The following ALK variants were observed in gnomAD, a reference collection of about 807,000 sequenced individuals.
ALK encodes ALK tyrosine kinase receptor.
A neutral mutation model predicts 163.1 loss-of-function variants in ALK; 74 were observed. That is an observed-to-expected ratio of 0.45 (90% CI 0.38 to 0.55). The LOEUF (loss-of-function observed/expected upper bound fraction) is 0.55, where lower values mean the gene tolerates loss of function less well. Ranked by LOEUF, ALK falls within the 20% of genes least tolerant of loss-of-function variation. The pLI, the probability that ALK is intolerant of heterozygous loss-of-function variation, is 0.00. For synonymous variants in ALK, 960 were observed against 843.2 expected, an observed-to-expected ratio of 1.14 and a Z score of -2.40; for missense variants, 2,063 against 2,105.3, an observed-to-expected ratio of 0.98 and a Z score of 0.39.
intron 5 of ALK, among the ~76,000 whole-genome samples, chr2:29,357,513 A>C (rs1347773913): frequency 6.6e-6 from 1 of 152,242 alleles, no homozygotes; most frequent in African/African-American, 2.4e-5. Flanking sequence ...AAATCTCAGC[A>C]GTCATGGCAA....
intron 5 of ALK, among the ~76,000 whole-genome samples, chr2:29,343,487 T>C (rs1349948009): frequency 1.3e-5 from 2 of 152,116 alleles, no homozygotes; most frequent in African/African-American, 2.4e-5. Context: ...AGTGTTGAGA[T>C]GATAGGCATG....
chr2:29,776,382 A>G (rs1681177838), intron 1 of ALK, among the ~76,000 whole-genome samples: 1 of 21,870 alleles, frequency 4.6e-5, no homozygotes, highest in Non-Finnish European at 4.1e-4. Context: ...ATTCCTTCCA[A>G]TCCTAACCTT....
chr2:29,806,257 C>A (rs1374963476), intron 1 of ALK, among the ~76,000 whole-genome samples: 3 of 152,060 alleles, frequency 2.0e-5, no homozygotes, highest in Non-Finnish European at 4.4e-5. Flanking sequence ...TGCATTGGGT[C>A]TGTAATTGCT....
intron 1 of ALK, among the ~76,000 whole-genome samples, chr2:29,831,002 A>G (rs781169312): frequency 0.052 from 2,399 of 46,482 alleles, 110 homozygotes; most frequent in Non-Finnish European, 0.066. Context: ...AAGAAGAAGA[A>G]GAAGAAGAAG....
intron 4 of ALK, among the ~76,000 whole-genome samples, chr2:29,402,164 G>A (rs1288546317): frequency 2.0e-5 from 3 of 152,230 alleles, no homozygotes; most frequent in African/African-American, 7.2e-5. Flanking sequence ...CCCAAACTCT[G>A]CTGAAAGCCA....
At position 29,556,266 on chromosome 2, in the gene ALK, T is replaced by A. The variant is rs187317043; in HGVS notation, c.953-24150A>T. On this transcript the variant is annotated intron_variant, in intron 3 of 28. Coordinates refer to ENST00000389048, the MANE Select transcript of ALK (RefSeq NM_004304.5). The stretch of plus-strand genomic sequence containing the variant: ...ACTGTAGGACAAGGCATGTAGCGTT[T>A]CTAAAGTGTCTATGAAATAGGGACA... Among the ~76,000 whole-genome samples, 333 of 152,304 alleles carry A rather than the reference T, an allele frequency of 2.2e-3. 2 individuals are homozygous for A. Among genetic ancestry groups the A allele is most frequent in the Non-Finnish European group, 2.8e-3 (193 of 68,016 alleles).
intron 9 of ALK, among the ~76,000 whole-genome samples, chr2:29,288,288 G>C (rs1223639171): frequency 6.6e-6 from 1 of 152,288 alleles, no homozygotes; most frequent in East Asian, 1.9e-4. Flanking sequence ...CATTGACCGG[G>C]TTTCTGTCAT....
At chr2:29,623,539 G>A (rs1331033584) in intron 3 of ALK, among the ~76,000 whole-genome samples, 2 of 152,124 alleles carry the variant, frequency 1.3e-5, no homozygotes, top group Non-Finnish European at 2.9e-5. Context: ...CTATGTGGTA[G>A]GTACTATTCA....
At chr2:29,913,832 A>G (rs1448868535) in intron 1 of ALK, among the ~76,000 whole-genome samples, 11 of 152,140 alleles carry the variant, frequency 7.2e-5, no homozygotes, top group Admixed American at 5.9e-4. Flanking sequence ...GGTAATTTAC[A>G]TTTCTCTCCA....
chr2:29,289,950 G>A (rs1394831844), intron 9 of ALK, among the ~76,000 whole-genome samples: 1 of 152,196 alleles, frequency 6.6e-6, no homozygotes, highest in Non-Finnish European at 1.5e-5. Flanking sequence ...TGATGCCGTG[G>A]TCTTGTCTTC....
intron 1 of ALK, among the ~76,000 whole-genome samples, chr2:29,886,649 G>A (rs148422273): frequency 3.3e-5 from 5 of 152,292 alleles, no homozygotes; most frequent in African/African-American, 9.6e-5. Context: ...ATCAAAACCC[G>A]GGTGAAAGAG....
At chr2:29,725,439 G>C (rs1383016955) in intron 1 of ALK, among the ~76,000 whole-genome samples, 1 of 152,152 alleles carries the variant, frequency 6.6e-6, no homozygotes, top group Non-Finnish European at 1.5e-5. Context: ...TCTTCCCTGA[G>C]CTGGACACCA....
At chr2:29,814,172 A>C (rs1664831786) in intron 1 of ALK, among the ~76,000 whole-genome samples, 3 of 152,178 alleles carry the variant, frequency 2.0e-5, no homozygotes, top group Admixed American at 1.3e-4. Flanking sequence ...GGAGGCAGGC[A>C]TACTATTCTG....
chr2:29,697,266 G>C (rs1240264660), intron 2 of ALK, among the ~76,000 whole-genome samples: 1 of 152,156 alleles, frequency 6.6e-6, no homozygotes. Context: ...CTCCAGAGAA[G>C]AGGGCCAAGG....
intron 4 of ALK, among the ~76,000 whole-genome samples, chr2:29,461,902 A>G (rs1334150940): frequency 6.6e-6 from 1 of 152,138 alleles, no homozygotes; most frequent in African/African-American, 2.4e-5. Flanking sequence ...AAAAAGGACC[A>G]TTCTAGGTGT....
At chr2:29,363,793 C>T (rs1052252020) in intron 5 of ALK, among the ~76,000 whole-genome samples, 4 of 152,194 alleles carry the variant, frequency 2.6e-5, no homozygotes, top group Non-Finnish European at 4.4e-5. Context: ...TCAGACTCAG[C>T]CATCTCTTCA....
Position 29,826,952 on chromosome 2 carries a change from A to G in ALK, c.667+93041T>C, listed in dbSNP as rs550450386. On this transcript the variant is annotated intron_variant, in intron 1 of 28. Transcript: ENST00000389048. ...CATTAAAGGGGCATGTTAATAGTGCAGCATTTCAAAAAGGTTTGCCTTCAG... is the reference window on the plus strand; with the variant it reads ...CATTAAAGGGGCATGTTAATAGTGCGGCATTTCAAAAAGGTTTGCCTTCAG... Among the ~76,000 whole-genome samples, 97 of 152,386 alleles carry G rather than the reference A, an allele frequency of 6.4e-4. 1 individual carries two copies. The highest frequency in any genetic ancestry group is 2.2e-3 in the African/African-American group (92 of 41,590).
chr2:29,241,542 T>G (rs920533243), intron 12 of ALK, among the ~76,000 whole-genome samples: 1 of 151,514 alleles, frequency 6.6e-6, no homozygotes, highest in East Asian at 1.9e-4. Context: ...GGAAGGCTGA[T>G]GTTGGCTTCA....
At chr2:29,868,851 G>A (rs1423297853) in intron 1 of ALK, among the ~76,000 whole-genome samples, 2 of 49,810 alleles carry the variant, frequency 4.0e-5, no homozygotes, top group Non-Finnish European at 9.8e-5. Flanking sequence ...CATAGCTACT[G>A]AGGTAACATA....
Sources: gnomAD v4.1 joint callset for allele counts (sites outside exome capture counted in the v4.1 genomes callset) on GRCh38, gnomAD v4.1.1 for gene constraint, MANE v1.5 for transcripts, NCBI Gene and HGNC (gene_info 2026-07-23, HGNC 2026-07-21) for gene names.